Variants in NAV3 observed in about 807,000 individuals in gnomAD.
NAV3 encodes pore membrane and/or filament interacting like protein 1.
NAV3 carries 87 observed loss-of-function variants against 244.7 expected under a neutral mutation model. The ratio of observed to expected loss-of-function variants is 0.36; its 90% CI spans 0.30 to 0.42. The LOEUF is 0.42. Among genes scored for constraint, NAV3 ranks in the 20% least tolerant of loss-of-function variants. The pLI, the probability that NAV3 is intolerant of heterozygous loss-of-function variation, is 1.00. For missense variants in NAV3, 2,663 were observed against 2,893.3 expected (o/e 0.92, Z 1.83); for synonymous variants, 1,126 against 1,042.2 (o/e 1.08, Z -1.55).
At chr12:78,028,087 C>A (rs770124) in intron 9 of NAV3, among the ~76,000 whole-genome samples, 82,508 of 151,768 alleles carry the variant, frequency 0.54, 22,764 homozygotes, top group African/African-American at 0.6. Flanking sequence ...TGACCTGAAG[C>A]AACCAAAGGA....
intron 12 of NAV3, among the ~76,000 whole-genome samples, chr12:78,082,386 AT>A (rs2137848580): frequency 6.6e-6 from 1 of 152,300 alleles, no homozygotes; most frequent in Non-Finnish European, 1.5e-5. Context: ...TATTTTGTCA[AT>A]TTATCACCCG....
At chr12:77,786,755 A>ATG in intron 2 of NAV3, among the ~76,000 whole-genome samples, 1 of 152,098 alleles carries the variant, frequency 6.6e-6, no homozygotes, top group African/African-American at 2.4e-5. Context: ...GGTAGTCACC[A>ATG]GCTTTTTTCA....
intron 2 of NAV3, among the ~76,000 whole-genome samples, chr12:77,796,815 AC>A (rs1469930422): frequency 1.3e-5 from 2 of 151,332 alleles, no homozygotes; most frequent in Admixed American, 6.6e-5. Context: ...GACTGTTAAG[AC>A]TTTTAGCAAT....
chr12:77,997,315 C>T (rs1179407334), intron 6 of NAV3, among the ~76,000 whole-genome samples: 2 of 150,396 alleles, frequency 1.3e-5, no homozygotes, highest in Non-Finnish European at 3.0e-5. Flanking sequence ...ATTAAATATA[C>T]CTATAGAATA....
intron 1 of NAV3, among the ~76,000 whole-genome samples, chr12:77,847,349 A>G (rs1057163493): frequency 4.6e-5 from 7 of 152,214 alleles, no homozygotes; most frequent in Non-Finnish European, 8.8e-5. Context: ...ATAACAAAAC[A>G]TTTTAAATTC....
In NAV3 at chr12:77,963,943, C is replaced by CTCCTCCTCCT. The variant is rs1443138821; in HGVS notation, c.415-2273_415-2264dup. The stretch of plus-strand genomic sequence containing the variant: ...CTTCCTTCTTCTCCTCCTTCTGCTC[C>CTCCTCCTCCT]TCCTCCTCCTTCCTCCTCCTTCACC... On this transcript the variant is annotated intron_variant, in intron 3 of 39. Coordinates refer to ENST00000397909, the MANE Select transcript of NAV3 (RefSeq NM_001024383.2). Among the ~76,000 whole-genome samples, 6 of 130,622 alleles carry CTCCTCCTCCT rather than the reference C, an allele frequency of 4.6e-5. No individual in the cohort carries two copies. The Admixed American group carries it at 5.2e-4, about 11-fold the overall frequency. The allele number at this position is 130,622 out of a possible 152,430, so 85.7% of individuals were successfully genotyped here.
chr12:77,740,694 T>C (rs1868311577), intron 2 of NAV3, among the ~76,000 whole-genome samples: 1 of 152,152 alleles, frequency 6.6e-6, no homozygotes, highest in African/African-American at 2.4e-5. Context: ...TTGGAGCCAC[T>C]TTCTAAGAGG....
intron 1 of NAV3, among the ~76,000 whole-genome samples, chr12:77,845,749 G>T (rs1876522347): frequency 6.6e-6 from 1 of 151,296 alleles, no homozygotes; most frequent in South Asian, 2.1e-4. Flanking sequence ...CGCCTCCTGG[G>T]TTCAAGTGAT....
rs377665724 is a variant in NAV3, at chr12:78,124,510, G to A, written c.4238+2082G>A. Among the ~76,000 whole-genome samples, 11 of 152,286 alleles carry A rather than the reference G, an allele frequency of 7.2e-5. No individual in the cohort carries two copies. The East Asian group carries it at 1.5e-3, about 21-fold the overall frequency. ...ACTCTGTCGCCCAGGCTGGAGGGCAGTGGTGCCATCTCAGCTCATTGCGTC... is the reference window on the plus strand; with the variant it reads ...ACTCTGTCGCCCAGGCTGGAGGGCAATGGTGCCATCTCAGCTCATTGCGTC... On this transcript the variant is annotated intron_variant, in intron 16 of 39. Transcript: ENST00000397909.
At chr12:78,105,916 T>C (rs1954778619) in intron 12 of NAV3, among the ~76,000 whole-genome samples, 1 of 151,566 alleles carries the variant, frequency 6.6e-6, no homozygotes, top group Non-Finnish European at 1.5e-5. Context: ...TCAAAATTTC[T>C]AACAAATATT....
At chr12:78,010,213 A>G (rs1476400969) in intron 8 of NAV3, among the ~76,000 whole-genome samples, 1 of 152,208 alleles carries the variant, frequency 6.6e-6, no homozygotes, top group Non-Finnish European at 1.5e-5. Flanking sequence ...TTCAGCTTTC[A>G]GTAAAAGCTT....
intron 11 of NAV3, chr12:78,052,108 T>G (rs914732805): frequency 2.0e-5 from 3 of 152,218 alleles, no homozygotes; most frequent in Non-Finnish European, 4.4e-5. Flanking sequence ...GGATTTTGAC[T>G]TACTCTTTGT....
chr12:77,998,406 T>C lies in NAV3; in HGVS notation c.810T>C (p.Asn270=), dbSNP rs1593235228. The change falls in exon 7 of 40, where the codon AAT becomes AAC. Residue 270 remains asparagine, a synonymous_variant. Transcript: ENST00000397909. ...AGGTCCAGGGAGCCTCTAATTTAAATAGGAGAAGTCAGAGCTTTAACAGCA... is the reference window on the plus strand; with the variant it reads ...AGGTCCAGGGAGCCTCTAATTTAAACAGGAGAAGTCAGAGCTTTAACAGCA... The part of the protein sequence containing the change: ...SSKVQGASNL[N]RRSQSFNSID... 1 of 1,612,162 alleles carries C rather than the reference T, an allele frequency of 6.2e-7. No individual in the cohort carries two copies. Among genetic ancestry groups the C allele is most frequent in the Non-Finnish European group, 8.5e-7 (1 of 1,178,952 alleles).
At chr12:78,060,185 C>T (rs750040797) in intron 12 of NAV3, among the ~76,000 whole-genome samples, 1 of 152,040 alleles carries the variant, frequency 6.6e-6, no homozygotes, top group Non-Finnish European at 1.5e-5. Flanking sequence ...TATCTAAATA[C>T]CTAGAGTAGT....
At chr12:77,869,102 C>T (rs150931507) in intron 1 of NAV3, among the ~76,000 whole-genome samples, 6 of 151,954 alleles carry the variant, frequency 3.9e-5, no homozygotes, top group East Asian at 3.9e-4. Context: ...TAGCTGAGGA[C>T]GCGAGGATTA....
chr12:77,922,458 G>A (rs756884435), intron 1 of NAV3, among the ~76,000 whole-genome samples: 2 of 151,876 alleles, frequency 1.3e-5, no homozygotes, highest in Non-Finnish European at 2.9e-5. Context: ...AAAATCCCTC[G>A]TGGGTGTTTA....
chr12:77,902,885 C>T (rs1592950229), intron 1 of NAV3, among the ~76,000 whole-genome samples: 1 of 152,248 alleles, frequency 6.6e-6, no homozygotes, highest in Middle Eastern at 3.4e-3. Context: ...AGTGAACTCC[C>T]ATTCACAATT....
intron 2 of NAV3, among the ~76,000 whole-genome samples, chr12:77,810,070 T>C (rs1001265120): frequency 9.2e-5 from 14 of 152,264 alleles, no homozygotes; most frequent in African/African-American, 3.4e-4. Context: ...TTCAGTTTAA[T>C]TTCAAATTCT....
chr12:78,134,772 A>G (rs972857671), intron 18 of NAV3, among the ~76,000 whole-genome samples: 4 of 152,246 alleles, frequency 2.6e-5, no homozygotes, highest in Non-Finnish European at 5.9e-5. Context: ...AGTATTTAAT[A>G]ATATCATAAA....
Sources: gnomAD v4.1 joint callset for allele counts (sites outside exome capture counted in the v4.1 genomes callset) on GRCh38, gnomAD v4.1.1 for gene constraint, MANE v1.5 for transcripts, NCBI Gene and HGNC (gene_info 2026-07-23, HGNC 2026-07-21) for gene names.